Variants in ZPBP observed in about 807,000 individuals in gnomAD.
ZPBP encodes the protein zona pellucida-binding protein 1.
ZPBP carries 26 observed loss-of-function variants against 44.8 expected under a neutral mutation model. That is an observed-to-expected ratio of 0.58 (90% CI 0.43 to 0.81). ZPBP has a LOEUF of 0.81. Ranked by LOEUF, ZPBP falls within the 30% of genes least tolerant of loss-of-function variation. ZPBP has a pLI of 0.00. For synonymous variants in ZPBP, 174 were observed against 153.2 expected (o/e 1.14, Z -1.00); for missense variants, 409 against 434.0 (o/e 0.94, Z 0.51).
intron 7 of ZPBP, among the ~76,000 whole-genome samples, chr7:49,948,186 A>G (rs1795183990): frequency 6.6e-6 from 1 of 152,030 alleles, no homozygotes; most frequent in African/African-American, 2.4e-5. Flanking sequence ...TTGTTGCTCT[A>G]CTCCACAAAG....
intron 7 of ZPBP, among the ~76,000 whole-genome samples, chr7:49,961,261 T>C (rs948994065): frequency 6.6e-6 from 1 of 152,158 alleles, no homozygotes; most frequent in Non-Finnish European, 1.5e-5. Context: ...GCTATACCCA[T>C]ACAATGGAGT....
intron 4 of ZPBP, among the ~76,000 whole-genome samples, chr7:50,037,701 T>C (rs1349431114): frequency 6.6e-6 from 1 of 152,162 alleles, no homozygotes; most frequent in Non-Finnish European, 1.5e-5. Flanking sequence ...ACATGAGATT[T>C]AGGTGGGAAG....
chr7:49,959,479 C>T (rs963140683), intron 7 of ZPBP, among the ~76,000 whole-genome samples: 7 of 151,810 alleles, frequency 4.6e-5, no homozygotes, highest in African/African-American at 1.7e-4. Context: ...AAAATTAAAT[C>T]AAATAACCAT....
chr7:49,900,560 A>C (rs1473475234), intron 2 of ZPBP, among the ~76,000 whole-genome samples: 2 of 151,766 alleles, frequency 1.3e-5, no homozygotes, highest in Non-Finnish European at 3.0e-5. Context: ...AATCAAGATG[A>C]AATGAACCAA....
At chr7:49,855,249 G>A (rs2128718121) in intron 2 of ZPBP, among the ~76,000 whole-genome samples, 1 of 152,250 alleles carries the variant, frequency 6.6e-6, no homozygotes, top group South Asian at 2.1e-4. Context: ...ACAATAAATG[G>A]TTGAGGAAAA....
chr7:49,876,750 A>C (rs1482011996), intron 2 of ZPBP, among the ~76,000 whole-genome samples: 1 of 152,010 alleles, frequency 6.6e-6, no homozygotes, highest in South Asian at 2.1e-4. Context: ...CTGTCAACAC[A>C]GTTTTATTTG....
chr7:49,930,322 G>T (rs891594201), intron 1 of ZPBP, among the ~76,000 whole-genome samples: 1 of 152,116 alleles, frequency 6.6e-6, no homozygotes, highest in Admixed American at 6.5e-5. Flanking sequence ...AACCCGGGAA[G>T]GTATTTAATT....
At chr7:49,882,465 A>G (rs1307530087) in intron 2 of ZPBP, among the ~76,000 whole-genome samples, 2 of 152,160 alleles carry the variant, frequency 1.3e-5, no homozygotes, top group Non-Finnish European at 2.9e-5. Flanking sequence ...CACTGTAAAG[A>G]GAAAGAGAGG....
At chr7:49,841,060 G>A in the ZPBP span, among the ~76,000 whole-genome samples, 73 of 152,330 alleles carry the variant, frequency 4.8e-4, no homozygotes, top group African/African-American at 1.4e-3. Flanking sequence ...GTCTTATTTG[G>A]ATTCCAGAGG....
At chr7:49,895,426 A>T (rs190323329) in intron 2 of ZPBP, among the ~76,000 whole-genome samples, 6 of 152,346 alleles carry the variant, frequency 3.9e-5, no homozygotes, top group Non-Finnish European at 7.4e-5. Context: ...CAGGGTGGAC[A>T]TACTCATGGA....
At chr7:49,968,606 A>C (rs1796158419) in intron 7 of ZPBP, among the ~76,000 whole-genome samples, 1 of 152,076 alleles carries the variant, frequency 6.6e-6, no homozygotes, top group African/African-American at 2.4e-5. Context: ...AAGCACATGA[A>C]AAATTGTGTA....
At chr7:50,003,665 C>T (rs1055757577) in intron 6 of ZPBP, among the ~76,000 whole-genome samples, 3 of 152,154 alleles carry the variant, frequency 2.0e-5, no homozygotes, top group Non-Finnish European at 4.4e-5. Context: ...TGTGCTGGAA[C>T]TGCAGAACAA....
chr7:50,085,972 G>C (rs1437435728), intron 2 of ZPBP, among the ~76,000 whole-genome samples: 2 of 152,134 alleles, frequency 1.3e-5, no homozygotes, highest in Non-Finnish European at 1.5e-5. Context: ...ACGGCATAAA[G>C]TGAATGATAA....
intron 4 of ZPBP, among the ~76,000 whole-genome samples, chr7:50,036,079 C>T (rs1420523688): frequency 6.6e-6 from 1 of 152,158 alleles, no homozygotes; most frequent in African/African-American, 2.4e-5. Context: ...CTAAAATACA[C>T]CACATTTAAA....
At chr7:50,047,349 C>T (rs530550355) in intron 4 of ZPBP, among the ~76,000 whole-genome samples, 11 of 151,842 alleles carry the variant, frequency 7.2e-5, no homozygotes, top group African/African-American at 2.2e-4. Flanking sequence ...GCTTCCAGAT[C>T]CTTTCTGATA....
chr7:50,010,223 A>G (rs1798506715), intron 6 of ZPBP, among the ~76,000 whole-genome samples: 1 of 152,154 alleles, frequency 6.6e-6, no homozygotes, highest in Non-Finnish European at 1.5e-5. Context: ...TACCATTAGT[A>G]AGTCTTACTA....
At chr7:49,910,341 T>C (rs1793342805) in intron 1 of ZPBP, among the ~76,000 whole-genome samples, 1 of 152,236 alleles carries the variant, frequency 6.6e-6, no homozygotes, top group African/African-American at 2.4e-5. Flanking sequence ...ATTTTGCAGA[T>C]GGACCTTTTT....
intron 2 of ZPBP, among the ~76,000 whole-genome samples, chr7:49,883,680 C>T (rs1791777239): frequency 6.6e-6 from 1 of 152,100 alleles, no homozygotes; most frequent in African/African-American, 2.4e-5. Context: ...GAAATTTCAC[C>T]TTCCGATAGC....
At chr7:50,054,674 T>TA (rs1562592678) in intron 4 of ZPBP, among the ~76,000 whole-genome samples, 4 of 152,180 alleles carry the variant, frequency 2.6e-5, no homozygotes. Flanking sequence ...CTCAACACAG[T>TA]AAAAAACATG....
Sources: allele counts gnomAD v4.1 joint callset (sites outside exome capture counted in the v4.1 genomes callset), GRCh38; gene constraint gnomAD v4.1.1; transcripts MANE v1.5; gene names NCBI Gene and HGNC (gene_info 2026-07-23, HGNC 2026-07-21).